NLGN1: variants seen among roughly 807,000 people sequenced by gnomAD.
NLGN1 encodes the protein neuroligin 1.
In NLGN1, 12 loss-of-function variants were observed where a neutral mutation model predicts 65.5. The observed-to-expected ratio is 0.18, with a 90% CI of 0.12 to 0.30. NLGN1 has a LOEUF of 0.30. NLGN1 is among the 10% of genes least tolerant of loss of function. NLGN1 has a pLI of 1.00. For missense variants in NLGN1, 750 were observed against 1,007.1 expected, an observed-to-expected ratio of 0.74 and a Z score of 3.46; for synonymous variants, 350 against 359.5, an observed-to-expected ratio of 0.97 and a Z score of 0.30.
At chr3:174,081,833 A>C (rs2152551020) in intron 4 of NLGN1, among the ~76,000 whole-genome samples, 1 of 152,104 alleles carries the variant, frequency 6.6e-6, no homozygotes, top group Non-Finnish European at 1.5e-5. Context: ...AGCCTCCCAA[A>C]GTGCTGGGAT....
At chr3:174,276,290 T>A (rs1400402968) in intron 5 of NLGN1, among the ~76,000 whole-genome samples, 2 of 151,914 alleles carry the variant, frequency 1.3e-5, no homozygotes, top group African/African-American at 4.8e-5. Flanking sequence ...TTGTTCTTTA[T>A]GAACTCCATC....
chr3:173,452,622 C>T (rs983660936), intron 2 of NLGN1, among the ~76,000 whole-genome samples: 1 of 152,158 alleles, frequency 6.6e-6, no homozygotes, highest in African/African-American at 2.4e-5. Flanking sequence ...TTCCTGGTCT[C>T]TAGTACTTAT....
intron 2 of NLGN1, among the ~76,000 whole-genome samples, chr3:173,575,407 C>T (rs1032691794): frequency 2.6e-4 from 40 of 152,084 alleles, no homozygotes; most frequent in Middle Eastern, 3.4e-3. Context: ...CACTTCTTCA[C>T]GTACTTTTGG....
intron 1 of NLGN1, among the ~76,000 whole-genome samples, chr3:173,415,694 A>G (rs1304895139): frequency 6.6e-6 from 1 of 152,172 alleles, no homozygotes; most frequent in East Asian, 1.9e-4. Flanking sequence ...CTCTATATGA[A>G]TATAGGATAC....
intron 3 of NLGN1, among the ~76,000 whole-genome samples, chr3:173,637,453 C>A (rs903810191): frequency 2.6e-5 from 4 of 152,032 alleles, no homozygotes; most frequent in Admixed American, 2.6e-4. Flanking sequence ...ACCACTATTT[C>A]TTTCATATAA....
chr3:173,860,056 T>C (rs916644459), intron 4 of NLGN1, among the ~76,000 whole-genome samples: 2 of 152,038 alleles, frequency 1.3e-5, no homozygotes, highest in Admixed American at 1.3e-4. Context: ...TTGTTTTCCT[T>C]GTCATTATCA....
rs562512037 is a variant in NLGN1, at chr3:173,587,621, G to C, written c.-320-16658G>C. 2.0e-5 allele frequency among the ~76,000 whole-genome samples: 3 copies of C among 152,278 alleles called. No individual in the cohort carries two copies. In the South Asian group the frequency reaches 6.2e-4, roughly 32 times the overall value. On this transcript the variant is annotated intron_variant, in intron 2 of 6. Coordinates refer to ENST00000457714, the Ensembl canonical transcript of NLGN1. ...CCTAATTATTAAAAAGAACATGGTA[G>C]CCTTGATGAGTTGTGAATTTTCTAT...
intron 4 of NLGN1, among the ~76,000 whole-genome samples, chr3:173,851,371 GGCAT>G (rs933760690): frequency 1.3e-5 from 2 of 152,082 alleles, no homozygotes; most frequent in African/African-American, 4.8e-5. Flanking sequence ...TATTTCAATA[GGCAT>G]ACATAACTAG....
chr3:174,016,813 G>T (rs1176709244), intron 4 of NLGN1, among the ~76,000 whole-genome samples: 4 of 152,112 alleles, frequency 2.6e-5, no homozygotes, highest in Non-Finnish European at 1.5e-5. Context: ...AGCCAAGAAG[G>T]CTTCCTCACA....
intron 2 of NLGN1, among the ~76,000 whole-genome samples, chr3:173,560,092 T>C (rs1049986264): frequency 1.1e-4 from 17 of 151,930 alleles, no homozygotes; most frequent in South Asian, 2.1e-4. Flanking sequence ...TACAGGCGCC[T>C]GCCACCACGC....
chr3:173,665,540 T>C (rs1473285002), intron 3 of NLGN1, among the ~76,000 whole-genome samples: 1 of 152,150 alleles, frequency 6.6e-6, no homozygotes, highest in African/African-American at 2.4e-5. Context: ...AAATACATCA[T>C]TATATTTCTG....
chr3:173,540,305 G>T (rs950894131), intron 2 of NLGN1, among the ~76,000 whole-genome samples: 12 of 152,112 alleles, frequency 7.9e-5, no homozygotes, highest in African/African-American at 2.9e-4. Context: ...CAGCTGCCTG[G>T]ATCTGCTACA....
At chr3:174,224,549 A>G (rs1372213700) in intron 4 of NLGN1, among the ~76,000 whole-genome samples, 1 of 152,152 alleles carries the variant, frequency 6.6e-6, no homozygotes, top group African/African-American at 2.4e-5. Context: ...AAACACAAAA[A>G]TTAGCTGGGC....
At chr3:173,886,906 G>A (rs1350454761) in intron 4 of NLGN1, among the ~76,000 whole-genome samples, 2 of 152,044 alleles carry the variant, frequency 1.3e-5, no homozygotes, top group Admixed American at 6.5e-5. Flanking sequence ...AAATATAGGC[G>A]AGTTCAAGAA....
At chr3:173,451,057 C>G (rs1164310378) in intron 2 of NLGN1, among the ~76,000 whole-genome samples, 1 of 152,190 alleles carries the variant, frequency 6.6e-6, no homozygotes, top group Admixed American at 6.5e-5. Flanking sequence ...CTTCTTCTCT[C>G]AACTCGTCAA....
intron 4 of NLGN1, among the ~76,000 whole-genome samples, chr3:173,946,262 T>C (rs560839548): frequency 6.6e-6 from 1 of 152,320 alleles, no homozygotes; most frequent in East Asian, 1.9e-4. Flanking sequence ...AGATAACCAA[T>C]TTAATATTTT....
intron 3 of NLGN1, among the ~76,000 whole-genome samples, chr3:173,622,034 A>T (rs1018456486): frequency 6.6e-6 from 1 of 152,148 alleles, no homozygotes; most frequent in Non-Finnish European, 1.5e-5. Flanking sequence ...CAAAGCAGGG[A>T]GAAAAGATGA....
chr3:173,405,563 AAACT>A (rs1718476373), intron 1 of NLGN1, among the ~76,000 whole-genome samples: 1 of 152,118 alleles, frequency 6.6e-6, no homozygotes, highest in Non-Finnish European at 1.5e-5. Flanking sequence ...CTAATTAACC[AAACT>A]AATAATCTCC....
intron 3 of NLGN1, among the ~76,000 whole-genome samples, chr3:173,774,509 C>G (rs192325335): frequency 9.2e-5 from 14 of 152,248 alleles, no homozygotes; most frequent in Admixed American, 5.9e-4. Flanking sequence ...GGAGAATATG[C>G]AGAGGATTCC....
Sources: allele counts gnomAD v4.1 joint callset (sites outside exome capture counted in the v4.1 genomes callset), GRCh38; gene constraint gnomAD v4.1.1; transcripts MANE v1.5; gene names NCBI Gene and HGNC (gene_info 2026-07-23, HGNC 2026-07-21).